DDX10: variants seen among roughly 807,000 people sequenced by gnomAD.
DDX10 encodes the protein DEAD-box helicase 10, also known as probable ATP-dependent RNA helicase DDX10.
A neutral mutation model predicts 104.3 loss-of-function variants in DDX10; 74 were observed. The ratio of observed to expected loss-of-function variants is 0.71; its 90% CI spans 0.59 to 0.86. DDX10 has a LOEUF of 0.86. Among genes scored for constraint, DDX10 ranks in the 40% least tolerant of loss-of-function variants. The probability of loss-of-function intolerance (pLI) is 0.00; values close to 1 mark genes in which losing one functional copy is unlikely to be tolerated. For synonymous variants in DDX10, 351 were observed against 353.4 expected, an observed-to-expected ratio of 0.99 and a Z score of 0.08; for missense variants, 952 against 1,040.0, an observed-to-expected ratio of 0.92 and a Z score of 1.16.
chr11:108,768,057 C>CT (rs2094358341), intron 13 of DDX10: 1 of 152,186 alleles, frequency 6.6e-6, no homozygotes, highest in Non-Finnish European at 1.5e-5. Context: ...TTTTCTCTAG[C>CT]TTACTTTATT....
At chr11:108,707,402 G>A (rs1192848369) in intron 10 of DDX10, among the ~76,000 whole-genome samples, 1 of 152,018 alleles carries the variant, frequency 6.6e-6, no homozygotes, top group Non-Finnish European at 1.5e-5. Context: ...CTTTCACTTA[G>A]TAGTATGCAT....
At chr11:108,713,498 T>C (rs1399947858) in intron 10 of DDX10, among the ~76,000 whole-genome samples, 1 of 152,136 alleles carries the variant, frequency 6.6e-6, no homozygotes, top group Admixed American at 6.6e-5. Flanking sequence ...TTCTCTCGCA[T>C]TTCTTTTCGG....
intron 13 of DDX10, among the ~76,000 whole-genome samples, chr11:108,743,736 CT>C (rs1434644545): frequency 6.6e-6 from 1 of 152,032 alleles, no homozygotes; most frequent in Non-Finnish European, 1.5e-5. Flanking sequence ...TTTGCAAGAC[CT>C]TTTTCTATGG....
intron 16 of DDX10, among the ~76,000 whole-genome samples, chr11:108,912,024 A>G (rs1247720737): frequency 1.3e-5 from 2 of 152,152 alleles, no homozygotes; most frequent in African/African-American, 4.8e-5. Context: ...TCTTAAATAT[A>G]TTATGTACCT....
chr11:108,777,567 C>T (rs1018281937), intron 13 of DDX10, among the ~76,000 whole-genome samples: 1 of 152,194 alleles, frequency 6.6e-6, no homozygotes, highest in Non-Finnish European at 1.5e-5. Flanking sequence ...AGGTGATCCA[C>T]CCACTTCAGC....
chr11:108,916,374 CT>C (rs1346024344), intron 16 of DDX10, among the ~76,000 whole-genome samples: 1 of 152,134 alleles, frequency 6.6e-6, no homozygotes, highest in African/African-American at 2.4e-5. Context: ...CTAATCCCCC[CT>C]CCCCCCAACT....
chr11:108,925,986 G>T (rs996858518), intron 17 of DDX10, among the ~76,000 whole-genome samples: 2 of 152,098 alleles, frequency 1.3e-5, no homozygotes, highest in African/African-American at 4.8e-5. Context: ...GACATGCTTG[G>T]GTAGGTGGTG....
intron 16 of DDX10, among the ~76,000 whole-genome samples, chr11:108,902,592 A>G (rs1234656097): frequency 5.9e-5 from 9 of 152,164 alleles, no homozygotes; most frequent in Non-Finnish European, 5.9e-5. Context: ...CTAAAAAGTT[A>G]AGGATTTTTT....
At chr11:108,748,929 G>A (rs2094335040) in intron 13 of DDX10, among the ~76,000 whole-genome samples, 1 of 151,748 alleles carries the variant, frequency 6.6e-6, no homozygotes, top group South Asian at 2.1e-4. Flanking sequence ...CCTCCAAAGT[G>A]CCAAGATTAC....
intron 16 of DDX10, among the ~76,000 whole-genome samples, chr11:108,884,265 C>A (rs187599943): frequency 1.1e-4 from 16 of 152,264 alleles, no homozygotes; most frequent in Non-Finnish European, 1.8e-4. Context: ...TATATGCCAT[C>A]ATTACTCACC....
intron 13 of DDX10, among the ~76,000 whole-genome samples, chr11:108,807,012 T>C (rs1266105935): frequency 1.3e-5 from 2 of 152,200 alleles, no homozygotes; most frequent in Admixed American, 6.5e-5. Context: ...TTGGTCTGTT[T>C]ACCCTGGCTG....
At chr11:108,777,064 G>A (rs2094370875) in intron 13 of DDX10, among the ~76,000 whole-genome samples, 1 of 152,296 alleles carries the variant, frequency 6.6e-6, no homozygotes, top group Middle Eastern at 3.4e-3. Flanking sequence ...CAGGTTTGTG[G>A]TAATTTGTTA....
intron 13 of DDX10, among the ~76,000 whole-genome samples, chr11:108,762,162 G>A (rs567264791): frequency 2.0e-5 from 3 of 152,142 alleles, no homozygotes; most frequent in African/African-American, 7.2e-5. Flanking sequence ...ATTCTTTATG[G>A]TTTGATATGA....
At chr11:108,886,477 C>T (rs1231286651) in intron 16 of DDX10, among the ~76,000 whole-genome samples, 4 of 152,060 alleles carry the variant, frequency 2.6e-5, no homozygotes, top group African/African-American at 9.7e-5. Flanking sequence ...TTCTTCATAC[C>T]AGATTTTTGG....
chr11:108,755,320 T>C (rs2094343212), intron 13 of DDX10, among the ~76,000 whole-genome samples: 1 of 152,092 alleles, frequency 6.6e-6, no homozygotes, highest in Non-Finnish European at 1.5e-5. Context: ...CATGATTTTT[T>C]CTCTAACTTA....
chr11:108,691,867 A>C lies in DDX10; in HGVS notation c.976-9A>C. The stretch of plus-strand genomic sequence containing the variant: ...CATAAGCAAACTTATTCTTCTGTTG[A>C]TGCCCCAGGTCCAGTATCTGTACCG... On this transcript the variant is annotated splice_polypyrimidine_tract_variant and intron_variant, in intron 7 of 17. Coordinates refer to ENST00000322536, the MANE Select transcript of DDX10 (RefSeq NM_004398.4). 1 of 1,608,802 alleles carries C rather than the reference A, an allele frequency of 6.2e-7. No homozygotes were observed. The highest frequency in any genetic ancestry group is 8.5e-7 in the Non-Finnish European group (1 of 1,177,862).
chr11:108,729,043 C>T (rs1043793927), intron 13 of DDX10, among the ~76,000 whole-genome samples: 3 of 152,138 alleles, frequency 2.0e-5, no homozygotes, highest in Admixed American at 6.5e-5. Flanking sequence ...TCACTACTCT[C>T]ACCAGCATAA....
intron 16 of DDX10, among the ~76,000 whole-genome samples, chr11:108,864,967 A>C (rs1862989856): frequency 6.6e-6 from 1 of 152,022 alleles, no homozygotes; most frequent in African/African-American, 2.4e-5. Context: ...TCTTAGCCTG[A>C]CCCCTTTTCA....
At chr11:108,837,782 C>G (rs1006381700) in intron 13 of DDX10, among the ~76,000 whole-genome samples, 2 of 151,760 alleles carry the variant, frequency 1.3e-5, no homozygotes, top group African/African-American at 4.8e-5. Flanking sequence ...GCCACCACAC[C>G]CAGCTAATTT....
Sources: gnomAD v4.1 joint callset for allele counts (sites outside exome capture counted in the v4.1 genomes callset) on GRCh38, gnomAD v4.1.1 for gene constraint, MANE v1.5 for transcripts, NCBI Gene and HGNC (gene_info 2026-07-23, HGNC 2026-07-21) for gene names.